CX3CR1: variants seen among roughly 807,000 people sequenced by gnomAD.
CX3CR1 encodes the protein C-X3-C motif chemokine receptor 1.
For missense variants in CX3CR1, 363 were observed against 432.4 expected, an observed-to-expected ratio of 0.84 and a Z score of 1.42; for synonymous variants, 168 against 178.5, an observed-to-expected ratio of 0.94 and a Z score of 0.47.
chr3:39,288,335 A>G, the CX3CR1 span, among the ~76,000 whole-genome samples: 1 of 152,200 alleles, frequency 6.6e-6, no homozygotes, highest in East Asian at 1.9e-4. Context: ...CCTTCTGCTC[A>G]GGGCTGTTTG....
the CX3CR1 span, among the ~76,000 whole-genome samples, chr3:39,290,979 C>T: frequency 4.6e-5 from 7 of 151,970 alleles, no homozygotes; most frequent in African/African-American, 1.7e-4. Context: ...CCAGGTGTCT[C>T]CACAGGTAGC....
chr3:39,272,399 C>T (rs1377363247), intron 1 of CX3CR1, among the ~76,000 whole-genome samples: 2 of 152,166 alleles, frequency 1.3e-5, no homozygotes. Flanking sequence ...TCCTGGTCTA[C>T]TTCCTCTGGC....
upstream of CX3CR1, among the ~76,000 whole-genome samples, chr3:39,283,794 A>ATT (rs1301718669): frequency 6.2e-3 from 361 of 58,294 alleles, 3 homozygotes; most frequent in Non-Finnish European, 9.7e-3. Context: ...AAAAAAAAAA[A>ATT]TTATATATAT....
chr3:39,288,537 C>G, the CX3CR1 span, among the ~76,000 whole-genome samples: 3 of 146,624 alleles, frequency 2.0e-5, no homozygotes, highest in Non-Finnish European at 4.4e-5. Context: ...TCACCAGCAA[C>G]CCCCAGGTCC....
intron 1 of CX3CR1, chr3:39,266,764 C>A: frequency 1.4e-6 from 1 of 708,576 alleles, no homozygotes; most frequent in Non-Finnish European, 2.6e-6. Flanking sequence ...CAGTAAATGG[C>A]TCTGTGAGCA....
At chr3:39,269,854 C>G (rs56379504) in intron 1 of CX3CR1, among the ~76,000 whole-genome samples, 27,786 of 152,214 alleles carry the variant, frequency 0.18, 2,679 homozygotes, top group Non-Finnish European at 0.21. Flanking sequence ...CTGCTATGAG[C>G]CATCTGGACC....
At chr3:39,270,670 G>A (rs969438993) in intron 1 of CX3CR1, among the ~76,000 whole-genome samples, 2 of 152,226 alleles carry the variant, frequency 1.3e-5, no homozygotes, top group African/African-American at 4.8e-5. Flanking sequence ...GGAATACACT[G>A]GTGGTGGTAA....
intron 1 of CX3CR1, among the ~76,000 whole-genome samples, chr3:39,268,021 C>G (rs1426911121): frequency 6.6e-6 from 1 of 152,238 alleles, no homozygotes. Context: ...CTTACCACAA[C>G]TTACAGCAAA....
intron 1 of CX3CR1, chr3:39,266,798 TTTTA>T: frequency 1.7e-6 from 1 of 600,058 alleles, no homozygotes; most frequent in South Asian, 1.5e-5. Context: ...ATTTTTTTTT[TTTTA>T]AATGGAGTCT....
upstream of CX3CR1, chr3:39,281,791 C>A: frequency 1.1e-6 from 1 of 924,392 alleles, no homozygotes; most frequent in South Asian, 1.4e-5. Flanking sequence ...TGCCTGTGCC[C>A]GTGGCAGGCT....
upstream of CX3CR1, among the ~76,000 whole-genome samples, chr3:39,283,840 T>TATAA (rs1195261746): frequency 2.3e-4 from 26 of 115,282 alleles, no homozygotes; most frequent in African/African-American, 7.6e-4. Flanking sequence ...TATATATATA[T>TATAA]AATGTGGTTA....
At chr3:39,289,814 G>A in the CX3CR1 span, among the ~76,000 whole-genome samples, 2,585 of 152,190 alleles carry the variant, frequency 0.017, 67 homozygotes, top group African/African-American at 0.058. Context: ...AGACACCAGG[G>A]ATGTATGTGC....
intron 1 of CX3CR1, among the ~76,000 whole-genome samples, chr3:39,268,419 G>C (rs762133828): frequency 2.0e-4 from 30 of 152,186 alleles, no homozygotes; most frequent in Non-Finnish European, 3.7e-4. Context: ...TATGACTCAA[G>C]CTAATATGTG....
At chr3:39,281,132 C>G, upstream of CX3CR1, 1 of 999,406 alleles carries the variant, frequency 1.0e-6, no homozygotes, top group Non-Finnish European at 1.2e-6. Context: ...CAGGACAGAG[C>G]TGGGGGCTGC....
intron 1 of CX3CR1, among the ~76,000 whole-genome samples, chr3:39,272,303 G>A (rs1344571120): frequency 2.6e-5 from 4 of 152,148 alleles, no homozygotes; most frequent in Non-Finnish European, 5.9e-5. Context: ...GGAGAGTTTC[G>A]GTGAACCTAG....
At chr3:39,274,646 A>T (rs2040819343) in intron 1 of CX3CR1, among the ~76,000 whole-genome samples, 1 of 152,138 alleles carries the variant, frequency 6.6e-6, no homozygotes, top group Non-Finnish European at 1.5e-5. Context: ...TAAACTGTGA[A>T]ATTTTGAAGG....
chr3:39,283,795 T>TTATATTTA (rs1553606449), upstream of CX3CR1, among the ~76,000 whole-genome samples: 4 of 65,290 alleles, frequency 6.1e-5, no homozygotes, highest in Non-Finnish European at 8.4e-5. Context: ...AAAAAAAAAA[T>TTATATTTA]TATATATATA....
Position 39,265,776 on chromosome 3 carries a change from G to T in CX3CR1, c.734C>A (p.Thr245Lys), listed in dbSNP as rs780062312. 5.6e-6 allele frequency: 9 copies of T among 1,614,036 alleles called. No individual in the cohort carries two copies. Among genetic ancestry groups the T allele is most frequent in the Non-Finnish European group, 7.6e-6 (9 of 1,180,016 alleles). ...LVVIVFFLFW[T>K]PYNVMIFLET... is the part of the protein sequence containing the mutation. ...CAGGAAAATCATAACGTTGTAGGGT[G>T]TCCAGAAGAGGAAAAACACGATGAC... Residue 245 changes from threonine (T) to lysine (K), a missense_variant, in exon 2 of 2, where the codon ACA becomes AAA. Thr to Lys is a moderately conservative substitution (Grantham distance 78). Transcript: ENST00000399220.
At chr3:39,289,703 T>C in the CX3CR1 span, among the ~76,000 whole-genome samples, 2 of 152,116 alleles carry the variant, frequency 1.3e-5, no homozygotes, top group Non-Finnish European at 2.9e-5. Flanking sequence ...ACAATATGAC[T>C]ATATTTGGGG....
Sources: allele counts gnomAD v4.1 joint callset (sites outside exome capture counted in the v4.1 genomes callset), GRCh38; gene constraint gnomAD v4.1.1; transcripts MANE v1.5; gene names NCBI Gene and HGNC (gene_info 2026-07-23, HGNC 2026-07-21).